The following KIAA1549L variants were observed in gnomAD, a reference collection of about 807,000 sequenced individuals.
KIAA1549L encodes KIAA1549 like, also known as UPF0606 protein KIAA1549L.
In KIAA1549L, 88 loss-of-function variants were observed where a neutral mutation model predicts 160.7. The ratio of observed to expected loss-of-function variants is 0.55; its 90% CI spans 0.46 to 0.65. The LOEUF (loss-of-function observed/expected upper bound fraction) is 0.65. KIAA1549L is among the 30% of genes least tolerant of loss of function. The probability of loss-of-function intolerance (pLI) is 0.00; values close to 1 mark genes in which losing one functional copy is unlikely to be tolerated. For synonymous variants in KIAA1549L, 950 were observed against 976.7 expected (o/e 0.97, Z 0.51); for missense variants, 2,258 against 2,437.5 (o/e 0.93, Z 1.55).
At chr11:33,548,080 G>A (rs1444314823) in intron 4 of KIAA1549L, among the ~76,000 whole-genome samples, 6 of 152,148 alleles carry the variant, frequency 3.9e-5, no homozygotes, top group Admixed American at 2.6e-4. Flanking sequence ...GAGACTAATT[G>A]CTTTATGTCT....
At chr11:33,467,593 G>A (rs999234921) in intron 1 of KIAA1549L, among the ~76,000 whole-genome samples, 1 of 152,216 alleles carries the variant, frequency 6.6e-6, no homozygotes, top group Non-Finnish European at 1.5e-5. Context: ...ATTTGGACAC[G>A]TGGCAGAATC....
At chr11:33,449,744 C>A (rs940465676) in intron 1 of KIAA1549L, among the ~76,000 whole-genome samples, 1 of 152,156 alleles carries the variant, frequency 6.6e-6, no homozygotes, top group Non-Finnish European at 1.5e-5. Context: ...GGGACGCTGC[C>A]TGTGCCTAGC....
At chr11:33,662,798 A>G (rs1852310278) in intron 20 of KIAA1549L, among the ~76,000 whole-genome samples, 1 of 152,196 alleles carries the variant, frequency 6.6e-6, no homozygotes. Flanking sequence ...AACTACATCT[A>G]GATGCCTTTG....
At chr11:33,432,207 G>C (rs1331968044) in intron 1 of KIAA1549L, among the ~76,000 whole-genome samples, 3 of 152,196 alleles carry the variant, frequency 2.0e-5, no homozygotes, top group African/African-American at 7.2e-5. Context: ...GCAGCGGTGG[G>C]CTGAAGTGCT....
intron 1 of KIAA1549L, among the ~76,000 whole-genome samples, chr11:33,435,800 A>ATATATATGTG (rs1565135904): frequency 7.8e-5 from 1 of 12,884 alleles, no homozygotes; most frequent in Non-Finnish European, 1.3e-4. Context: ...ATATATATAT[A>ATATATATGTG]TATATATATA....
chr11:33,523,122 A>G (rs56394035), intron 1 of KIAA1549L, among the ~76,000 whole-genome samples: 73 of 152,330 alleles, frequency 4.8e-4, no homozygotes, highest in African/African-American at 1.7e-3. Context: ...TCTACCCATC[A>G]GTTCTTTGTT....
At chr11:33,569,988 TTC>T (rs778733363) in intron 9 of KIAA1549L, among the ~76,000 whole-genome samples, 2 of 140,444 alleles carry the variant, frequency 1.4e-5, no homozygotes, top group African/African-American at 2.6e-5. Flanking sequence ...GAGGTGTTCT[TTC>T]TCTCTCTCTC....
chr11:33,398,642 C>T (rs1850434729), intron 1 of KIAA1549L, among the ~76,000 whole-genome samples: 1 of 152,218 alleles, frequency 6.6e-6, no homozygotes, highest in Non-Finnish European at 1.5e-5. Flanking sequence ...TTCGCTCACT[C>T]TTCTTCCATT....
At position 33,583,504 on chromosome 11, in the gene KIAA1549L, A is replaced by G; in HGVS notation, c.4566+3A>G. The G allele has an allele frequency of 3.8e-6, 6 of 1,569,844 alleles. No individual in the cohort carries two copies. Among genetic ancestry groups the G allele is most frequent in the Non-Finnish European group, 5.2e-6 (6 of 1,157,296 alleles). On this transcript the variant is annotated splice_donor_region_variant and intron_variant, in intron 11 of 20. Coordinates refer to ENST00000658780, the MANE Select transcript of KIAA1549L (RefSeq NM_012194.3). The stretch of plus-strand genomic sequence containing the variant: ...TAAACCTGCCGCAGAGAGCAAAGGT[A>G]TATGGAAGTGGTGGGGAGAGGGGCA...
chr11:33,652,456 C>A (rs550057805), intron 17 of KIAA1549L, among the ~76,000 whole-genome samples: 2 of 152,238 alleles, frequency 1.3e-5, no homozygotes, highest in East Asian at 3.9e-4. Flanking sequence ...TTGTACCTGG[C>A]AAAATCTTCA....
chr11:33,617,133 CA>C (rs59233344), intron 15 of KIAA1549L, among the ~76,000 whole-genome samples: 1,537 of 89,442 alleles, frequency 0.017, 7 homozygotes, highest in East Asian at 0.09. Flanking sequence ...GAGATTCTAT[CA>C]AAAAAAAAAA....
rs189275487 is a variant in KIAA1549L at position 33,562,968 on chromosome 11, G to A, written c.4078+1233G>A. Among the ~76,000 whole-genome samples, 257 of 151,968 alleles carry A rather than the reference G, an allele frequency of 1.7e-3. 1 individual carries two copies. The highest frequency in any genetic ancestry group is 1.4e-3 in the Admixed American group (22 of 15,260). ...AGTACTGGGATTACAGGTGTGAGCCGCTGTGCCTGGCCTAACTTCATTACC... is the reference window on the plus strand; with the variant it reads ...AGTACTGGGATTACAGGTGTGAGCCACTGTGCCTGGCCTAACTTCATTACC... On this transcript the variant is annotated intron_variant, in intron 8 of 20. Coordinates refer to ENST00000658780, the MANE Select transcript of KIAA1549L (RefSeq NM_012194.3).
intron 4 of KIAA1549L, among the ~76,000 whole-genome samples, chr11:33,548,275 T>C (rs1320502625): frequency 1.3e-5 from 2 of 152,092 alleles, no homozygotes; most frequent in African/African-American, 4.8e-5. Flanking sequence ...GGCAGGTGCC[T>C]GTAATCCCAG....
At position 33,668,478 on chromosome 11, in the gene KIAA1549L, A is replaced by T; in HGVS notation, c.*324A>T. 1 of 362,446 alleles carries T rather than the reference A, an allele frequency of 2.8e-6. No individual in the cohort carries two copies. Among genetic ancestry groups the T allele is most frequent in the Admixed American group, 4.2e-5 (1 of 23,792 alleles). 22.5% of individuals were successfully genotyped at this position (362,446 alleles called of 1,614,324 possible). ...CTAGCTAATCTACAGATTCCTATCC[A>T]ATGCCACATTTTAATAAATCACCGG... On this transcript the variant is annotated 3_prime_UTR_variant, in exon 21 of 21. Coordinates refer to ENST00000658780, the MANE Select transcript of KIAA1549L (RefSeq NM_012194.3).
At chr11:33,466,903 G>A (rs1182984764) in intron 1 of KIAA1549L, among the ~76,000 whole-genome samples, 1 of 149,950 alleles carries the variant, frequency 6.7e-6, no homozygotes, top group Non-Finnish European at 1.5e-5. Flanking sequence ...TCACTCATAA[G>A]TGGGAGTTGA....
chr11:33,523,227 A>T (rs1355150120), intron 1 of KIAA1549L, among the ~76,000 whole-genome samples: 1 of 152,210 alleles, frequency 6.6e-6, no homozygotes, highest in African/African-American at 2.4e-5. Flanking sequence ...GGATATTAAC[A>T]GGTATCACAC....
At chr11:33,610,441 C>T (rs534896043) in intron 15 of KIAA1549L, among the ~76,000 whole-genome samples, 1 of 152,314 alleles carries the variant, frequency 6.6e-6, no homozygotes, top group Non-Finnish European at 1.5e-5. Context: ...CAGACTTGTT[C>T]ATTTATTCGA....
At chr11:33,436,422 C>A (rs1363975529) in intron 1 of KIAA1549L, among the ~76,000 whole-genome samples, 1 of 152,170 alleles carries the variant, frequency 6.6e-6, no homozygotes, top group Non-Finnish European at 1.5e-5. Flanking sequence ...AGAAAGAAGT[C>A]TTTCTTAGCC....
At chr11:33,420,235 G>GTTTGTTTGTTTGTTTGTTTTTTTTT (rs1554975227) in intron 1 of KIAA1549L, among the ~76,000 whole-genome samples, 1 of 46,266 alleles carries the variant, frequency 2.2e-5, no homozygotes, top group African/African-American at 5.7e-5. Context: ...TTTTTTTTTT[G>GTTTGTTTGTTTGTTTGTTTTTTTTT]TTTTTTTTTT....
Sources: gnomAD v4.1 joint callset for allele counts (sites outside exome capture counted in the v4.1 genomes callset) on GRCh38, gnomAD v4.1.1 for gene constraint, MANE v1.5 for transcripts, NCBI Gene and HGNC (gene_info 2026-07-23, HGNC 2026-07-21) for gene names.